The following FAM117B variants were observed in gnomAD, a reference collection of about 807,000 sequenced individuals.
The protein encoded by FAM117B is family with sequence similarity 117 member B, also known as protein FAM117B.
FAM117B carries 22 observed loss-of-function variants against 52.8 expected under a neutral mutation model. The ratio of observed to expected loss-of-function variants is 0.42; its 90% confidence interval spans 0.30 to 0.59. The LOEUF is 0.59. Ranked by LOEUF, FAM117B falls within the 20% of genes least tolerant of loss-of-function variation. The probability of loss-of-function intolerance (pLI) is 0.22; values close to 1 mark genes in which losing one functional copy is unlikely to be tolerated. For missense variants in FAM117B, 678 were observed against 802.6 expected, an observed-to-expected ratio of 0.84 and a Z score of 1.88; for synonymous variants, 309 against 324.1, an observed-to-expected ratio of 0.95 and a Z score of 0.50.
chr2:202,721,626 G>A (rs1403949718), intron 2 of FAM117B, among the ~76,000 whole-genome samples: 1 of 151,992 alleles, frequency 6.6e-6, no homozygotes, highest in Admixed American at 6.6e-5. Context: ...ATTTTAGTAT[G>A]TAGATGACAT....
chr2:202,635,561 C>G lies in FAM117B; in HGVS notation c.374C>G (p.Pro125Arg). ...ASATSTRGTS[P>R]TRSAAPGARG... is the part of the protein sequence containing the mutation. The stretch of plus-strand genomic sequence containing the variant: ...GCGACGTCCACGCGAGGCACCAGCC[C>G]CACGCGCAGCGCCGCGCCTGGAGCT... The change falls in exon 1 of 8, where the codon CCC (proline) becomes CGC (arginine). Residue 125 changes from proline to arginine, a missense_variant. Pro to Arg is a moderately radical substitution (Grantham distance 103). Transcript: ENST00000392238. 8.2e-7 allele frequency: 1 copy of G among 1,218,020 alleles called. No individual in the cohort carries two copies. The highest frequency in any genetic ancestry group is 1.0e-6 in the Non-Finnish European group (1 of 982,246). The allele number at this position is 1,218,020 out of a possible 1,614,324, so 75.5% of individuals were successfully genotyped here. A position where few individuals can be genotyped will look rare whatever the true frequency, so the allele number is the denominator to read the frequency against.
chr2:202,673,431 C>CTTTTTTTTTTTTTTT (rs1690327997), intron 1 of FAM117B, among the ~76,000 whole-genome samples: 1 of 31,186 alleles, frequency 3.2e-5, no homozygotes, highest in Non-Finnish European at 5.9e-5. Context: ...TTTTCTTTTT[C>CTTTTTTTTTTTTTTT]TGTTTTTTTT....
intron 4 of FAM117B, among the ~76,000 whole-genome samples, chr2:202,754,603 CAG>C (rs370413567): frequency 6.5e-4 from 98 of 151,672 alleles, no homozygotes; most frequent in East Asian, 5.0e-3. Context: ...ATAAAGAAAA[CAG>C]GGGCTGTGCA....
rs200537600 is a variant in FAM117B, at chr2:202,714,527, T to C, written c.754-10390T>C. 2.3e-4 allele frequency among the ~76,000 whole-genome samples: 32 copies of C among 139,506 alleles called. No homozygotes were observed. In the East Asian group the frequency reaches 5.8e-3, roughly 25 times the overall value. The allele number at this position is 139,506 out of a possible 152,430, so 91.5% of individuals were successfully genotyped here. On this transcript the variant is annotated intron_variant, in intron 2 of 7. Transcript: ENST00000392238. ...TATATTTACAGTTGTTATATCTTTTTTTTTTCTTTTTTTTTTTTTTTTTAT... is the reference window on the plus strand; with the variant it reads ...TATATTTACAGTTGTTATATCTTTTCTTTTTCTTTTTTTTTTTTTTTTTAT...
intron 2 of FAM117B, among the ~76,000 whole-genome samples, chr2:202,701,877 GA>G (rs1690799453): frequency 6.6e-6 from 1 of 152,208 alleles, no homozygotes; most frequent in South Asian, 2.1e-4. Context: ...TCCTGGTGAA[GA>G]TGTGGTGAAT....
chr2:202,635,818 G>T, intron 1 of FAM117B, 30 bp downstream of exon 1: 1 of 1,403,766 alleles, frequency 7.1e-7, no homozygotes, highest in Non-Finnish European at 9.3e-7. Flanking sequence ...CAGCAAGGGG[G>T]AGGCGGCTGC....
chr2:202,696,348 C>A (rs1226221334), intron 2 of FAM117B, among the ~76,000 whole-genome samples: 2 of 151,994 alleles, frequency 1.3e-5, no homozygotes, highest in African/African-American at 4.8e-5. Context: ...TTTGTCTTCC[C>A]TGGGCCACAT....
rs1169877071 is a variant in FAM117B at position 202,684,406 on chromosome 2, A to C, written c.602-11475A>C. ...TGCTTTTTTGTGGTCATTTGTGGAC[A>C]TGTGTGCAGTGGAACATTTGAATTG... On this transcript the variant is annotated intron_variant, in intron 1 of 7. Coordinates refer to ENST00000392238, the MANE Select transcript of FAM117B (RefSeq NM_173511.4). 2.6e-5 allele frequency among the ~76,000 whole-genome samples: 4 copies of C among 152,212 alleles called. No individual in the cohort carries two copies. The South Asian group carries it at 8.3e-4, about 32-fold the overall frequency.
At position 202,635,538 on chromosome 2, in the gene FAM117B, G is replaced by A; in HGVS notation, c.351G>A (p.Ala117=). 1 of 1,165,394 alleles carries A rather than the reference G, an allele frequency of 8.6e-7. No homozygotes were observed. The highest frequency in any genetic ancestry group is 1.1e-6 in the Non-Finnish European group (1 of 947,832). 72.2% of individuals were successfully genotyped at this position (1,165,394 alleles called of 1,614,324 possible). A position where few individuals can be genotyped will look rare whatever the true frequency, so the allele number is the denominator to read the frequency against. The part of the protein sequence containing the change: ...PTVATQTGAS[A]TSTRGTSPTR... ...TGGCCACGCAGACGGGCGCGTCCGC[G>A]ACGTCCACGCGAGGCACCAGCCCCA... The change falls in exon 1 of 8, where the codon GCG becomes GCA. Residue 117 remains alanine, a synonymous_variant. Coordinates refer to ENST00000392238, the MANE Select transcript of FAM117B (RefSeq NM_173511.4).
At chr2:202,724,389 A>C (rs998639018) in intron 2 of FAM117B, among the ~76,000 whole-genome samples, 1 of 152,150 alleles carries the variant, frequency 6.6e-6, no homozygotes, top group Non-Finnish European at 1.5e-5. Flanking sequence ...TTATGGCAAG[A>C]CTAGACATAA....
intron 4 of FAM117B, among the ~76,000 whole-genome samples, chr2:202,748,280 C>G (rs1396640470): frequency 6.6e-6 from 1 of 151,938 alleles, no homozygotes; most frequent in Non-Finnish European, 1.5e-5. Context: ...AAAAATCGAC[C>G]TAAAATGGAT....
chr2:202,661,882 C>T (rs1690133249), intron 1 of FAM117B, among the ~76,000 whole-genome samples: 1 of 148,382 alleles, frequency 6.7e-6, no homozygotes, highest in Non-Finnish European at 1.5e-5. Context: ...TGCCACTGCA[C>T]TGCACTCCAG....
chr2:202,651,346 C>T (rs1321020229), intron 1 of FAM117B, among the ~76,000 whole-genome samples: 2 of 150,864 alleles, frequency 1.3e-5, no homozygotes, highest in African/African-American at 4.9e-5. Context: ...CAGGTGTGAG[C>T]CACCGCTCCG....
At position 202,769,541 on chromosome 2, in the gene FAM117B, T is replaced by A. The variant is rs1224310978; in HGVS notation, c.*3777T>A. The A allele has an allele frequency of 6.6e-6, 1 of 152,656 alleles. No individual in the cohort carries two copies. The highest frequency in any genetic ancestry group is 2.4e-5 in the African/African-American group (1 of 41,466). 9.5% of individuals were successfully genotyped at this position (152,656 alleles called of 1,614,324 possible). A position where few individuals can be genotyped will look rare whatever the true frequency, so the allele number is the denominator to read the frequency against. Reference sequence around the variant, plus strand: ...GTCTTGTTTAAGAATAGAATTTTTTTAACTCTTCATTTTTTGTCTCTGTGG... The same window carrying A: ...GTCTTGTTTAAGAATAGAATTTTTTAAACTCTTCATTTTTTGTCTCTGTGG... On this transcript the variant is annotated 3_prime_UTR_variant, in exon 8 of 8. Coordinates refer to ENST00000392238, the MANE Select transcript of FAM117B (RefSeq NM_173511.4).
intron 1 of FAM117B, among the ~76,000 whole-genome samples, chr2:202,662,130 G>GTA (rs1450049295): frequency 1.8e-4 from 27 of 151,660 alleles, no homozygotes; most frequent in Admixed American, 3.9e-4. Context: ...GTGTGTGTGT[G>GTA]TGTGTGTGTA....
intron 2 of FAM117B, among the ~76,000 whole-genome samples, chr2:202,713,378 A>G (rs1397109086): frequency 6.6e-6 from 1 of 152,152 alleles, no homozygotes; most frequent in Non-Finnish European, 1.5e-5. Flanking sequence ...TGTAATATCT[A>G]CTTTTCCCTC....
At chr2:202,757,061 G>T in intron 5 of FAM117B, 152 bp from the exon 6 acceptor site, 1 of 782,992 alleles carries the variant, frequency 1.3e-6, no homozygotes. Context: ...AGACAGGGAT[G>T]TCACTAACGT....
At chr2:202,737,519 A>G (rs933579606) in intron 4 of FAM117B, among the ~76,000 whole-genome samples, 5 of 152,166 alleles carry the variant, frequency 3.3e-5, no homozygotes, top group Non-Finnish European at 7.3e-5. Flanking sequence ...GGAATCATAC[A>G]GTATGTAATC....
intron 5 of FAM117B, among the ~76,000 whole-genome samples, chr2:202,756,009 A>G (rs1691796141): frequency 6.6e-6 from 1 of 152,228 alleles, no homozygotes; most frequent in African/African-American, 2.4e-5. Context: ...GGGGGGCAGA[A>G]GTTTACATGA....
Sources: gnomAD v4.1 joint callset for allele counts (sites outside exome capture counted in the v4.1 genomes callset) on GRCh38, gnomAD v4.1.1 for gene constraint, MANE v1.5 for transcripts, NCBI Gene and HGNC (gene_info 2026-07-23, HGNC 2026-07-21) for gene names.